The following TNRC6A variants were observed in gnomAD, a reference collection of about 807,000 sequenced individuals.
TNRC6A encodes the protein trinucleotide repeat containing adaptor 6A.
In TNRC6A, 44 loss-of-function variants were observed where a neutral mutation model predicts 221.2. The ratio of observed to expected loss-of-function variants is 0.20; its 90% CI spans 0.16 to 0.26. The LOEUF (loss-of-function observed/expected upper bound fraction) is 0.26, where lower values mean the gene tolerates loss of function less well. TNRC6A is among the 10% of genes least tolerant of loss of function. The pLI is 1.00. For missense variants in TNRC6A, 2,199 were observed against 2,404.4 expected (o/e 0.91, Z 1.79); for synonymous variants, 847 against 838.5 (o/e 1.01, Z -0.18).
chr16:24,805,859 T>C, intron 15 of TNRC6A, 126 bp downstream of exon 15: 1 of 1,252,944 alleles, frequency 8.0e-7, no homozygotes. Context: ...TCATGGAGCT[T>C]ACAGTCTATC....
chr16:24,815,704 A>T (rs1354013494), intron 19 of TNRC6A: 1 of 196,094 alleles, frequency 5.1e-6, no homozygotes, highest in African/African-American at 2.3e-5. Context: ...AACTACAAAA[A>T]ATTAGCCAGG....
intron 2 of TNRC6A, among the ~76,000 whole-genome samples, chr16:24,650,809 T>C (rs990434740): frequency 1.3e-5 from 2 of 152,220 alleles, no homozygotes; most frequent in Non-Finnish European, 2.9e-5. Context: ...TTTTATGTGA[T>C]GCACTTAGGA....
intron 4 of TNRC6A, among the ~76,000 whole-genome samples, chr16:24,763,744 C>G (rs960647712): frequency 6.6e-6 from 1 of 152,104 alleles, no homozygotes. Flanking sequence ...GGTTCCTGTT[C>G]CCACTGCACT....
chr16:24,780,541 A>G (rs768097009), intron 5 of TNRC6A, among the ~76,000 whole-genome samples: 7 of 152,214 alleles, frequency 4.6e-5, no homozygotes, highest in African/African-American at 9.6e-5. Flanking sequence ...TATAAAATAT[A>G]AAGCATATAG....
chr16:24,752,876 A>G (rs1417825360), intron 3 of TNRC6A, among the ~76,000 whole-genome samples: 1 of 152,198 alleles, frequency 6.6e-6, no homozygotes. Flanking sequence ...TGAAATGGCT[A>G]GAGAAGAGGC....
intron 2 of TNRC6A, among the ~76,000 whole-genome samples, chr16:24,716,866 G>T (rs2056322320): frequency 6.6e-6 from 1 of 150,402 alleles, no homozygotes; most frequent in South Asian, 2.1e-4. Context: ...GCTGAGGCGG[G>T]AGGATCACTT....
At chr16:24,747,151 C>T (rs2057030678) in intron 2 of TNRC6A, among the ~76,000 whole-genome samples, 1 of 152,160 alleles carries the variant, frequency 6.6e-6, no homozygotes, top group African/African-American at 2.4e-5. Context: ...ATGAAACCAA[C>T]TTTAAAATAC....
intron 2 of TNRC6A, among the ~76,000 whole-genome samples, chr16:24,681,250 C>T (rs1195918773): frequency 1.3e-5 from 2 of 152,084 alleles, no homozygotes; most frequent in African/African-American, 4.8e-5. Flanking sequence ...TTGTTTGAGA[C>T]CGAGTCTTGC....
At chr16:24,669,941 C>CTTTGTTTTTTTTTTTTTTTT (rs2055256670) in intron 2 of TNRC6A, among the ~76,000 whole-genome samples, 1 of 27,162 alleles carries the variant, frequency 3.7e-5, no homozygotes, top group Non-Finnish European at 6.6e-5. Flanking sequence ...GAGGCAGCTA[C>CTTTGTTTTTTTTTTTTTTTT]TTTTTTTTTT....
At chr16:24,723,618 G>C (rs2056448505) in intron 2 of TNRC6A, among the ~76,000 whole-genome samples, 1 of 149,798 alleles carries the variant, frequency 6.7e-6, no homozygotes, top group Admixed American at 6.7e-5. Flanking sequence ...TCAGTGGCTA[G>C]AAGTTGTGGA....
At chr16:24,658,763 T>C (rs1198357136) in intron 2 of TNRC6A, among the ~76,000 whole-genome samples, 1 of 152,112 alleles carries the variant, frequency 6.6e-6, no homozygotes, top group African/African-American at 2.4e-5. Context: ...CCCAAAGAGT[T>C]TGCTCTTACA....
intron 15 of TNRC6A, 143 bp downstream of exon 15, chr16:24,805,876 G>A: frequency 8.8e-7 from 1 of 1,130,146 alleles, no homozygotes; most frequent in South Asian, 1.5e-5. Context: ...TATCGGGGGA[G>A]ACAGATCGTG....
chr16:24,633,026 A>AT (rs1901428970), intron 1 of TNRC6A, among the ~76,000 whole-genome samples: 1 of 151,384 alleles, frequency 6.6e-6, no homozygotes, highest in South Asian at 2.1e-4. Context: ...AAAAAAAAAA[A>AT]ATCCAGACTT....
rs1555495713 is a variant in TNRC6A at position 24,729,713 on chromosome 16, G to GGCA, written c.-127_-126insAGC. 49 of 1,117,300 alleles carry GGCA rather than the reference G, an allele frequency of 4.4e-5. No homozygotes were observed. Among genetic ancestry groups the GGCA allele is most frequent in the Middle Eastern group, 3.2e-4 (1 of 3,088 alleles). The allele number at this position is 1,117,300 out of a possible 1,614,324, so 69.2% of individuals were successfully genotyped here. ...CGGCGGCGGCGGCGGCGGCGGCGGC[G>GGCA]GCGGCAGCGGGTCGGTGTAGAAAAT... On this transcript the variant is annotated 5_prime_UTR_variant, in exon 1 of 25. Coordinates refer to ENST00000395799, the MANE Select transcript of TNRC6A (RefSeq NM_014494.4).
chr16:24,621,414 A>G (rs1292916995), intron 1 of TNRC6A, among the ~76,000 whole-genome samples: 1 of 146,120 alleles, frequency 6.8e-6, no homozygotes, highest in African/African-American at 2.6e-5. Context: ...GCTGGAGGGC[A>G]ATGGTGCGAT....
intron 2 of TNRC6A, among the ~76,000 whole-genome samples, chr16:24,722,657 C>G (rs2056430114): frequency 6.6e-6 from 1 of 152,048 alleles, no homozygotes; most frequent in Non-Finnish European, 1.5e-5. Flanking sequence ...TGGCCTTGAA[C>G]TCCTGACCCC....
At chr16:24,684,833 T>C (rs548572527) in intron 2 of TNRC6A, among the ~76,000 whole-genome samples, 31 of 152,226 alleles carry the variant, frequency 2.0e-4, no homozygotes, top group Middle Eastern at 3.4e-3. Flanking sequence ...AAAACCATTT[T>C]TAGTTCAAGG....
At position 24,723,001 on chromosome 16, in the gene TNRC6A, G is replaced by A. The variant is rs1220568287; in HGVS notation, n.403-27725G>A. 2.0e-5 allele frequency among the ~76,000 whole-genome samples: 3 copies of A among 152,236 alleles called. No individual in the cohort carries two copies. In the East Asian group the frequency reaches 5.8e-4, roughly 29 times the overall value. On this transcript the variant is annotated intron_variant and non_coding_transcript_variant, in intron 2 of 2. Coordinates refer to the TNRC6A transcript ENST00000566108. The stretch of plus-strand genomic sequence containing the variant: ...CCGACTTGGGGGAAAACTGGGAAAG[G>A]GTCAGGTCCATATAGGGTGTTGGTT...
intron 5 of TNRC6A, among the ~76,000 whole-genome samples, chr16:24,780,922 G>A (rs1358391756): frequency 6.6e-6 from 1 of 151,920 alleles, no homozygotes; most frequent in East Asian, 1.9e-4. Context: ...TTTTAGCACG[G>A]TGTACCTCCT....
Sources: gnomAD v4.1 joint callset for allele counts (sites outside exome capture counted in the v4.1 genomes callset) on GRCh38, gnomAD v4.1.1 for gene constraint, MANE v1.5 for transcripts, NCBI Gene and HGNC (gene_info 2026-07-23, HGNC 2026-07-21) for gene names.